Variants in UBASH3B observed in about 807,000 individuals in gnomAD.
UBASH3B encodes ubiquitin associated and SH3 domain containing B.
In UBASH3B, 37 loss-of-function variants were observed where a neutral mutation model predicts 83.4. The ratio of observed to expected loss-of-function variants is 0.44; its 90% confidence interval spans 0.34 to 0.58. The LOEUF (loss-of-function observed/expected upper bound fraction) is 0.58, where lower values mean the gene tolerates loss of function less well. Among genes scored for constraint, UBASH3B ranks in the 20% least tolerant of loss-of-function variants. The pLI is 0.01. For missense variants in UBASH3B, 657 were observed against 827.2 expected (o/e 0.79, Z 2.52); for synonymous variants, 304 against 318.3 (o/e 0.96, Z 0.48).
chr11:122,773,948 A>G (rs762330721), intron 1 of UBASH3B: 42 of 984,600 alleles, frequency 4.3e-5, no homozygotes, highest in Admixed American at 6.2e-5. Context: ...TCCTTTTCCC[A>G]GTTGTTTTTG....
chr11:122,751,303 A>G (rs534399371), intron 1 of UBASH3B, among the ~76,000 whole-genome samples: 2 of 152,344 alleles, frequency 1.3e-5, no homozygotes, highest in East Asian at 3.9e-4. Flanking sequence ...GTGTCTTCCC[A>G]GAAGCCTCCT....
intron 1 of UBASH3B, among the ~76,000 whole-genome samples, chr11:122,701,821 C>T (rs1308317914): frequency 1.3e-5 from 2 of 152,282 alleles, no homozygotes; most frequent in East Asian, 3.9e-4. Flanking sequence ...ATATTAGCAT[C>T]TTCCCTTCTG....
At chr11:122,714,010 C>T (rs1403970323) in intron 1 of UBASH3B, among the ~76,000 whole-genome samples, 1 of 152,174 alleles carries the variant, frequency 6.6e-6, no homozygotes, top group Non-Finnish European at 1.5e-5. Flanking sequence ...TGGAAACAGG[C>T]AGGAGTCAAG....
intron 1 of UBASH3B, among the ~76,000 whole-genome samples, chr11:122,720,905 T>C (rs1860617453): frequency 2.0e-5 from 3 of 152,124 alleles, no homozygotes; most frequent in Admixed American, 1.3e-4. Flanking sequence ...TTCTCTGCTA[T>C]ATCCCCAAGG....
rs1555137140 is a variant in UBASH3B at position 122,699,531 on chromosome 11, C to CTCTTTCTTTCTTTCTCTTTCTTTCTT, written c.161+43336_161+43337insCTTTCTTTCTTTCTTTCTTTCTTTCT. 5.2e-3 allele frequency among the ~76,000 whole-genome samples: 564 copies of CTCTTTCTTTCTTTCTCTTTCTTTCTT among 107,830 alleles called. 3 individuals carry two copies. The highest frequency in any genetic ancestry group is 0.019 in the African/African-American group (538 of 28,346). 70.7% of individuals were successfully genotyped at this position (107,830 alleles called of 152,430 possible). On this transcript the variant is annotated intron_variant, in intron 1 of 13. Transcript: ENST00000284273. ...TTTCTTTCTTTCTCTTTCTTTCTTTCTCTTTCTTTCTTTCTTTCTTTCTTT... is the reference window on the plus strand; with the variant it reads ...TTTCTTTCTTTCTCTTTCTTTCTTTCTCTTTCTTTCTTTCTCTTTCTTTCTTTCTTTCTTTCTTTCTTTCTTTCTTT...
intron 1 of UBASH3B, among the ~76,000 whole-genome samples, chr11:122,696,582 C>T (rs1863968477): frequency 6.6e-6 from 1 of 152,168 alleles, no homozygotes; most frequent in African/African-American, 2.4e-5. Context: ...GCCAGGATTA[C>T]AGGAGTGAGC....
At chr11:122,792,233 C>A (rs547123485) in intron 6 of UBASH3B, among the ~76,000 whole-genome samples, 1 of 151,404 alleles carries the variant, frequency 6.6e-6, no homozygotes, top group Non-Finnish European at 1.5e-5. Flanking sequence ...TGTACAAGAA[C>A]GATTCTAGGT....
At chr11:122,741,881 A>C (rs951293669) in intron 1 of UBASH3B, among the ~76,000 whole-genome samples, 6 of 152,134 alleles carry the variant, frequency 3.9e-5, no homozygotes, top group Non-Finnish European at 8.8e-5. Flanking sequence ...GCAATTCCTA[A>C]GTATTTCACT....
At chr11:122,656,706 C>T (rs1863369394) in intron 1 of UBASH3B, among the ~76,000 whole-genome samples, 1 of 152,186 alleles carries the variant, frequency 6.6e-6, no homozygotes. Flanking sequence ...CTTCCAGCTC[C>T]GGATGTCGCT....
At chr11:122,800,502 C>T (rs971970473) in intron 10 of UBASH3B, among the ~76,000 whole-genome samples, 17 of 151,022 alleles carry the variant, frequency 1.1e-4, no homozygotes, top group Admixed American at 8.6e-4. Context: ...TGCAGTGAGC[C>T]GAGACTGTAC....
chr11:122,770,804 A>G (rs183401079), intron 1 of UBASH3B, among the ~76,000 whole-genome samples: 1 of 152,276 alleles, frequency 6.6e-6, no homozygotes. Flanking sequence ...AGCTTTATTC[A>G]GTCAACCATC....
chr11:122,772,576 C>T (rs963079878), intron 1 of UBASH3B, among the ~76,000 whole-genome samples: 1 of 152,064 alleles, frequency 6.6e-6, no homozygotes, highest in African/African-American at 2.4e-5. Flanking sequence ...AACAGGAAAG[C>T]GACTTTTCCT....
intron 1 of UBASH3B, among the ~76,000 whole-genome samples, chr11:122,704,013 A>G (rs1864082914): frequency 6.6e-6 from 1 of 152,074 alleles, no homozygotes; most frequent in Non-Finnish European, 1.5e-5. Flanking sequence ...CTCAACAATG[A>G]CTCACTTGGA....
intron 1 of UBASH3B, among the ~76,000 whole-genome samples, chr11:122,672,696 C>T (rs1863614418): frequency 6.6e-6 from 1 of 152,132 alleles, no homozygotes; most frequent in Admixed American, 6.6e-5. Flanking sequence ...CAAGAAAAAA[C>T]AACTTTTGGA....
chr11:122,688,442 TG>T (rs1863835757), intron 1 of UBASH3B, among the ~76,000 whole-genome samples: 1 of 119,842 alleles, frequency 8.3e-6, no homozygotes, highest in Non-Finnish European at 1.8e-5. Flanking sequence ...TGGGGTTTTG[TG>T]GTTTGTTTGT....
intron 1 of UBASH3B, among the ~76,000 whole-genome samples, chr11:122,750,403 T>C (rs1861182004): frequency 7.2e-6 from 1 of 139,248 alleles, no homozygotes; most frequent in Admixed American, 7.1e-5. Flanking sequence ...CCCCACAGAA[T>C]GTTGTTGTGA....
intron 1 of UBASH3B, among the ~76,000 whole-genome samples, chr11:122,744,157 T>C (rs1861073025): frequency 6.6e-6 from 1 of 152,176 alleles, no homozygotes; most frequent in African/African-American, 2.4e-5. Context: ...CCACGCAGGC[T>C]TCCTGTTTTG....
At chr11:122,788,433 G>A (rs1460217423) in intron 5 of UBASH3B, among the ~76,000 whole-genome samples, 1 of 152,110 alleles carries the variant, frequency 6.6e-6, no homozygotes, top group African/African-American at 2.4e-5. Flanking sequence ...GCCAGGTGTG[G>A]TGGCGGCCGC....
At chr11:122,790,008 C>G (rs913465986) in intron 6 of UBASH3B, among the ~76,000 whole-genome samples, 2 of 152,240 alleles carry the variant, frequency 1.3e-5, no homozygotes, top group Admixed American at 1.3e-4. Context: ...GCCATCTTCT[C>G]TTTCTTAGTT....
Sources: gnomAD v4.1 joint callset for allele counts (sites outside exome capture counted in the v4.1 genomes callset) on GRCh38, gnomAD v4.1.1 for gene constraint, MANE v1.5 for transcripts, NCBI Gene and HGNC (gene_info 2026-07-23, HGNC 2026-07-21) for gene names.